The following ADGRL3 variants were observed in gnomAD, a reference collection of about 807,000 sequenced individuals.
ADGRL3 encodes the protein adhesion G protein-coupled receptor L3.
ADGRL3 carries 62 observed loss-of-function variants against 153.5 expected under a neutral mutation model. That is an observed-to-expected ratio of 0.40 (90% CI 0.33 to 0.50). The LOEUF is 0.50. ADGRL3 is among the 20% of genes least tolerant of loss of function. The pLI, the probability that ADGRL3 is intolerant of heterozygous loss-of-function variation, is 0.47. For synonymous variants in ADGRL3, 710 were observed against 672.5 expected (o/e 1.06, Z -0.86); for missense variants, 1,641 against 1,859.4 (o/e 0.88, Z 2.16).
At chr4:61,467,389 A>G (rs572815607) in intron 2 of ADGRL3, among the ~76,000 whole-genome samples, 15 of 152,044 alleles carry the variant, frequency 9.9e-5, no homozygotes, top group Non-Finnish European at 8.8e-5. Context: ...TCAATGCTTA[A>G]TATAGGGTCT....
intron 12 of ADGRL3, among the ~76,000 whole-genome samples, chr4:61,912,077 T>C (rs1248734859): frequency 1.3e-5 from 2 of 152,164 alleles, no homozygotes; most frequent in Non-Finnish European, 1.5e-5. Context: ...ATTTGTTTTT[T>C]GGTCAAAACT....
intron 17 of ADGRL3, among the ~76,000 whole-genome samples, chr4:61,949,424 A>C (rs910479714): frequency 6.6e-6 from 1 of 152,294 alleles, no homozygotes; most frequent in African/African-American, 2.4e-5. Flanking sequence ...TAGGCCGGGC[A>C]TGGTGGCTCA....
At chr4:61,984,508 A>G (rs2099078963) in intron 19 of ADGRL3, among the ~76,000 whole-genome samples, 1 of 152,174 alleles carries the variant, frequency 6.6e-6, no homozygotes. Context: ...TTGAGATTAC[A>G]GTGAGCTGTG....
At chr4:61,381,617 C>A (rs1419250935) in intron 1 of ADGRL3, among the ~76,000 whole-genome samples, 1 of 151,510 alleles carries the variant, frequency 6.6e-6, no homozygotes, top group Non-Finnish European at 1.5e-5. Flanking sequence ...ATGTATTTCC[C>A]AGATGGGAGG....
At chr4:61,768,459 T>A (rs969707934) in intron 8 of ADGRL3, among the ~76,000 whole-genome samples, 5 of 152,006 alleles carry the variant, frequency 3.3e-5, no homozygotes, top group African/African-American at 1.2e-4. Context: ...CGAGTTGCAC[T>A]GGGCACAGAG....
intron 9 of ADGRL3, among the ~76,000 whole-genome samples, chr4:61,830,018 T>G (rs942393928): frequency 7.2e-5 from 11 of 151,802 alleles, no homozygotes; most frequent in Admixed American, 2.6e-4. Flanking sequence ...AAAAAAAATT[T>G]TTTTTTTTTT....
intron 5 of ADGRL3, among the ~76,000 whole-genome samples, chr4:61,666,543 G>GAA (rs35300313): frequency 0.58 from 83,594 of 142,896 alleles, 25,845 homozygotes; most frequent in Non-Finnish European, 0.71. Context: ...TGTCCCAGAT[G>GAA]AAAAAAAAAA....
intron 21 of ADGRL3, among the ~76,000 whole-genome samples, chr4:62,020,417 A>G (rs1426323161): frequency 2.6e-5 from 4 of 152,082 alleles, no homozygotes; most frequent in Admixed American, 2.0e-4. Flanking sequence ...TCAAGGCTCA[A>G]TATAAGTAGA....
chr4:61,219,761 A>G (rs1156810874), intron 1 of ADGRL3, among the ~76,000 whole-genome samples: 1 of 152,224 alleles, frequency 6.6e-6, no homozygotes, highest in East Asian at 1.9e-4. Context: ...GGCATTTCTG[A>G]CATTCTGCCA....
At chr4:61,654,049 G>A (rs1049218085) in intron 5 of ADGRL3, among the ~76,000 whole-genome samples, 2 of 152,008 alleles carry the variant, frequency 1.3e-5, no homozygotes, top group Non-Finnish European at 2.9e-5. Context: ...GATATTTTGG[G>A]CTAAAAAGAA....
At chr4:61,668,304 A>G (rs1271575441) in intron 5 of ADGRL3, among the ~76,000 whole-genome samples, 3 of 152,222 alleles carry the variant, frequency 2.0e-5, no homozygotes, top group Admixed American at 6.5e-5. Flanking sequence ...GGAAAGAAAC[A>G]GATTTTCCCC....
At chr4:61,659,630 C>T (rs1032275325) in intron 5 of ADGRL3, among the ~76,000 whole-genome samples, 3 of 152,046 alleles carry the variant, frequency 2.0e-5, no homozygotes, top group Non-Finnish European at 4.4e-5. Flanking sequence ...AGCAGGAATA[C>T]CTTGAATCGA....
intron 4 of ADGRL3, among the ~76,000 whole-genome samples, chr4:61,534,633 T>A (rs528119599): frequency 5.0e-4 from 76 of 152,258 alleles, no homozygotes; most frequent in Middle Eastern, 6.8e-3. Flanking sequence ...TTTGTGGTTC[T>A]CCTCGTAGAG....
intron 9 of ADGRL3, among the ~76,000 whole-genome samples, chr4:61,884,928 A>G (rs1030692313): frequency 7.3e-5 from 11 of 150,368 alleles, no homozygotes; most frequent in African/African-American, 2.4e-5. Context: ...CCCGGCCAAG[A>G]CCCAACTCTT....
chr4:61,359,628 C>A (rs1333321070), intron 1 of ADGRL3, among the ~76,000 whole-genome samples: 1 of 152,166 alleles, frequency 6.6e-6, no homozygotes, highest in Admixed American at 6.5e-5. Context: ...ATTTTACCTT[C>A]TCAATGAAAG....
At chr4:61,440,472 A>G (rs1412442353) in intron 2 of ADGRL3, among the ~76,000 whole-genome samples, 1 of 152,252 alleles carries the variant, frequency 6.6e-6, no homozygotes, top group African/African-American at 2.4e-5. Context: ...CAAATCATGT[A>G]ACAGGTGATT....
intron 23 of ADGRL3, among the ~76,000 whole-genome samples, chr4:62,036,995 T>A (rs543840675): frequency 3.9e-5 from 6 of 152,240 alleles, no homozygotes; most frequent in African/African-American, 1.4e-4. Flanking sequence ...TTTTTCCCTG[T>A]AATTTTATAC....
intron 2 of ADGRL3, among the ~76,000 whole-genome samples, chr4:61,448,877 A>AGGAAGGAAGGAAGAAGGGAGAGAG (rs1365095121): frequency 9.6e-5 from 6 of 62,644 alleles, no homozygotes; most frequent in East Asian, 5.1e-4. Flanking sequence ...AAGGAAGGAA[A>AGGAAGGAAGGAAGAAGGGAGAGAG]GGAAGGAAGG....
intron 4 of ADGRL3, among the ~76,000 whole-genome samples, chr4:61,554,637 A>G (rs1328419077): frequency 6.6e-6 from 1 of 152,194 alleles, no homozygotes. Context: ...GATTTGAAAA[A>G]AATTGCTGAG....
Sources: gnomAD v4.1 joint callset for allele counts (sites outside exome capture counted in the v4.1 genomes callset) on GRCh38, gnomAD v4.1.1 for gene constraint, MANE v1.5 for transcripts, NCBI Gene and HGNC (gene_info 2026-07-23, HGNC 2026-07-21) for gene names.